The following NALF1 variants were observed in gnomAD, a reference collection of about 807,000 sequenced individuals.
NALF1 encodes the protein family with sequence similarity 155 member A.
NALF1 carries 3 observed loss-of-function variants against 48.4 expected under a neutral mutation model. That is an observed-to-expected ratio of 0.06 (90% CI 0.03 to 0.16). NALF1 has a LOEUF of 0.16. Among genes scored for constraint, NALF1 ranks in the 10% least tolerant of loss-of-function variants. The pLI is 1.00. For missense variants in NALF1, 526 were observed against 571.5 expected, an observed-to-expected ratio of 0.92 and a Z score of 0.81; for synonymous variants, 262 against 245.7, an observed-to-expected ratio of 1.07 and a Z score of -0.62.
At chr13:107,693,548 G>A (rs1038583261) in intron 1 of NALF1, among the ~76,000 whole-genome samples, 3 of 150,928 alleles carry the variant, frequency 2.0e-5, no homozygotes, top group Non-Finnish European at 4.4e-5. Flanking sequence ...ACAGGTGCAC[G>A]GAATCTCTGC....
intron 1 of NALF1, among the ~76,000 whole-genome samples, chr13:107,684,191 C>A (rs1296781176): frequency 1.3e-5 from 2 of 152,200 alleles, no homozygotes; most frequent in Admixed American, 1.3e-4. Context: ...GGAAGATTAA[C>A]CCCCAGCTCA....
At chr13:107,344,550 A>G (rs1323696845) in intron 1 of NALF1, among the ~76,000 whole-genome samples, 2 of 152,200 alleles carry the variant, frequency 1.3e-5, no homozygotes, top group Non-Finnish European at 2.9e-5. Flanking sequence ...CAATCAATGT[A>G]ATACACCACA....
chr13:107,584,911 C>T (rs113748559), intron 1 of NALF1, among the ~76,000 whole-genome samples: 3 of 152,248 alleles, frequency 2.0e-5, no homozygotes, highest in African/African-American at 7.2e-5. Flanking sequence ...ATCACTGTTA[C>T]CATCACTACT....
chr13:107,719,688 G>GAGTAA (rs2138526230), intron 1 of NALF1, among the ~76,000 whole-genome samples: 1 of 152,126 alleles, frequency 6.6e-6, no homozygotes, highest in South Asian at 2.1e-4. Context: ...TCATAATGGT[G>GAGTAA]TGCTACCTTG....
At chr13:107,481,181 A>C (rs1885248380) in intron 1 of NALF1, among the ~76,000 whole-genome samples, 1 of 152,186 alleles carries the variant, frequency 6.6e-6, no homozygotes, top group Non-Finnish European at 1.5e-5. Context: ...TTGATTGCTG[A>C]GAGCTTAATT....
At chr13:107,251,672 T>A (rs970183491) in intron 1 of NALF1, among the ~76,000 whole-genome samples, 14 of 152,174 alleles carry the variant, frequency 9.2e-5, no homozygotes, top group African/African-American at 3.4e-4. Context: ...GATGGAGTAA[T>A]GGACACAGTG....
At chr13:107,477,985 G>GT (rs1885198881) in intron 1 of NALF1, among the ~76,000 whole-genome samples, 1 of 147,984 alleles carries the variant, frequency 6.8e-6, no homozygotes, top group Admixed American at 6.7e-5. Flanking sequence ...CACAGAAAGT[G>GT]TATGATTTCT....
chr13:107,460,687 G>A lies in NALF1; in HGVS notation c.916-249932C>T, dbSNP rs78534683. ...TTTACAGATATTATAATTGTATACA[G>A]TACGATATACACTAAATTCTCCATA... On this transcript the variant is annotated intron_variant, in intron 1 of 2. Coordinates refer to ENST00000375915, the MANE Select transcript of NALF1 (RefSeq NM_001080396.3). 6.0e-3 allele frequency among the ~76,000 whole-genome samples: 913 copies of A among 152,248 alleles called. 10 individuals carry two copies. Among genetic ancestry groups the A allele is most frequent in the African/African-American group, 0.02 (836 of 41,538 alleles).
intron 1 of NALF1, among the ~76,000 whole-genome samples, chr13:107,260,145 G>A (rs568132568): frequency 6.6e-6 from 1 of 152,306 alleles, no homozygotes; most frequent in East Asian, 1.9e-4. Flanking sequence ...ATGAAGTCGG[G>A]TTGTCATGTT....
chr13:107,576,124 G>A (rs1371330519), intron 1 of NALF1, among the ~76,000 whole-genome samples: 1 of 152,124 alleles, frequency 6.6e-6, no homozygotes, highest in Non-Finnish European at 1.5e-5. Context: ...ACCTCATTAT[G>A]TTCTCTGCCC....
Position 107,697,348 on chromosome 13 carries a change from C to A in NALF1, c.915+168334G>T, listed in dbSNP as rs1881722268. On this transcript the variant is annotated intron_variant, in intron 1 of 2. Coordinates refer to ENST00000375915, the MANE Select transcript of NALF1 (RefSeq NM_001080396.3). The stretch of plus-strand genomic sequence containing the variant: ...TACCTCACATGAAGATTCTAATTTG[C>A]CAAGTATCTAATTTAAGTGAAAAAA... Among the ~76,000 whole-genome samples, 3 of 151,962 alleles carry A rather than the reference C, an allele frequency of 2.0e-5. No homozygotes were observed. The South Asian group carries it at 6.2e-4, about 32-fold the overall frequency.
intron 1 of NALF1, among the ~76,000 whole-genome samples, chr13:107,506,848 T>G (rs895920865): frequency 1.3e-5 from 2 of 152,122 alleles, no homozygotes; most frequent in Non-Finnish European, 2.9e-5. Context: ...GAACATTCAT[T>G]TAGACATTTT....
chr13:107,707,199 G>A (rs1222227352), intron 1 of NALF1, among the ~76,000 whole-genome samples: 1 of 151,796 alleles, frequency 6.6e-6, no homozygotes, highest in Non-Finnish European at 1.5e-5. Flanking sequence ...TGGGATTACA[G>A]GCGTGAGCCA....
At chr13:107,184,151 G>A (rs567032071) in intron 2 of NALF1, among the ~76,000 whole-genome samples, 83 of 148,010 alleles carry the variant, frequency 5.6e-4, no homozygotes, top group African/African-American at 2.1e-3. Context: ...TGCACGTTCT[G>A]CACATGTACC....
intron 1 of NALF1, among the ~76,000 whole-genome samples, chr13:107,315,600 T>A (rs987496790): frequency 1.4e-4 from 21 of 152,082 alleles, no homozygotes; most frequent in African/African-American, 5.1e-4. Context: ...TCCTTTTTTT[T>A]GATTTTCTTT....
chr13:107,815,223 A>G (rs1283088584), intron 1 of NALF1, among the ~76,000 whole-genome samples: 2 of 152,164 alleles, frequency 1.3e-5, no homozygotes, highest in African/African-American at 4.8e-5. Context: ...AAGACAACCC[A>G]AAGAGTGGAA....
intron 1 of NALF1, among the ~76,000 whole-genome samples, chr13:107,682,711 A>G (rs1881336435): frequency 6.6e-6 from 1 of 152,024 alleles, no homozygotes; most frequent in African/African-American, 2.4e-5. Context: ...TGCGAGGGCC[A>G]GCCAGCCGAC....
intron 1 of NALF1, among the ~76,000 whole-genome samples, chr13:107,601,604 A>G (rs1878928377): frequency 6.6e-6 from 1 of 152,182 alleles, no homozygotes; most frequent in African/African-American, 2.4e-5. Context: ...CTCAGGGTGT[A>G]GGAATATCCT....
intron 1 of NALF1, among the ~76,000 whole-genome samples, chr13:107,245,758 T>G (rs191708171): frequency 6.6e-6 from 1 of 152,326 alleles, no homozygotes; most frequent in Non-Finnish European, 1.5e-5. Context: ...GGATTTCTTT[T>G]TTTTTATATT....
Sources: allele counts gnomAD v4.1 joint callset (sites outside exome capture counted in the v4.1 genomes callset), GRCh38; gene constraint gnomAD v4.1.1; transcripts MANE v1.5; gene names NCBI Gene and HGNC (gene_info 2026-07-23, HGNC 2026-07-21).